NEB: variants seen among roughly 807,000 people sequenced by gnomAD.
The protein encoded by NEB is nebulin.
In NEB, 512 loss-of-function variants were observed where a neutral mutation model predicts 952.2. That is an observed-to-expected ratio of 0.54 (90% confidence interval 0.50 to 0.58). The LOEUF (loss-of-function observed/expected upper bound fraction) is 0.58, where lower values mean the gene tolerates loss of function less well. Ranked by LOEUF, NEB falls within the 20% of genes least tolerant of loss-of-function variation. NEB has a pLI of 0.00. For synonymous variants in NEB, 2,900 were observed against 3,149.8 expected, an observed-to-expected ratio of 0.92 and a Z score of 2.66; for missense variants, 8,428 against 9,231.1, an observed-to-expected ratio of 0.91 and a Z score of 3.56.
chr2:151,690,765 G>T lies in NEB; in HGVS notation c.2272C>A (p.Leu758Met), dbSNP rs866369010. The stretch of plus-strand genomic sequence containing the variant: ...TTCGTGTTGAGCTGGGCTTGCAACA[G>T]TACAGGAGAATCAGTGACTGCCGTG... ...KFTAVTDSPV[L>M]LQAQLNTKQL... Residue 758 changes from leucine (L) to methionine (M), a missense_variant, in exon 24 of 182, where the codon CTG (leucine) becomes ATG (methionine). This residue lies in a region of NEB where 2,851 missense variants were observed against 2,791.5 expected (regional missense o/e 1.02). Transcript: ENST00000397345. The T allele has an allele frequency of 3.1e-6, 5 of 1,599,676 alleles. No homozygotes were observed. The highest frequency in any genetic ancestry group is 8.5e-7 in the Non-Finnish European group (1 of 1,172,836).
intron 173 of NEB, chr2:151,494,993 C>G (rs1353767110): frequency 6.6e-6 from 1 of 152,300 alleles, no homozygotes; most frequent in East Asian, 1.9e-4. Flanking sequence ...CACTTAAACT[C>G]TCATAGACAT....
intron 164 of NEB, 121 bp downstream of exon 164, chr2:151,506,045 G>T (rs2068627605): frequency 3.5e-6 from 3 of 851,846 alleles, no homozygotes; most frequent in African/African-American, 1.7e-5. Context: ...TGGTACACAG[G>T]CACCTATTTT....
In NEB at chr2:151,610,872, G is replaced by C. The variant is rs1222577322; in HGVS notation, c.11806-6C>G. 1.3e-6 allele frequency: 2 copies of C among 1,564,116 alleles called. No individual in the cohort carries two copies. Among genetic ancestry groups the C allele is most frequent in the Middle Eastern group, 1.7e-4 (1 of 5,920 alleles). ...CAAGCTTCTGTGTATAAATGCTACA[G>C]GGCAGGGCGGCATGGGGCATGGGGA... On this transcript the variant is annotated splice_region_variant and splice_polypyrimidine_tract_variant and intron_variant, in intron 78 of 181. Transcript: ENST00000397345.
At chr2:151,712,031 T>A (rs2099746851) in intron 10 of NEB, among the ~76,000 whole-genome samples, 1 of 151,960 alleles carries the variant, frequency 6.6e-6, no homozygotes, top group South Asian at 2.1e-4. Flanking sequence ...GTTTCTCATC[T>A]TTTTTTTGGA....
intron 105 of NEB, among the ~76,000 whole-genome samples, 164 bp from the exon 106 acceptor site, chr2:151,576,518 T>TATATA (rs2096865322): frequency 1.1e-4 from 2 of 18,216 alleles, no homozygotes; most frequent in African/African-American, 2.2e-4. Flanking sequence ...ATATATATAT[T>TATATA]TTTTTTTTTT....
intron 129 of NEB, among the ~76,000 whole-genome samples, chr2:151,550,990 G>A (rs1336823763): frequency 5.7e-5 from 7 of 123,598 alleles, no homozygotes; most frequent in African/African-American, 1.1e-4. Flanking sequence ...TATTTGAAAC[G>A]GAGTTTTGCT....
At chr2:151,577,471 G>T (rs918083764) in intron 105 of NEB, among the ~76,000 whole-genome samples, 2 of 152,012 alleles carry the variant, frequency 1.3e-5, no homozygotes, top group African/African-American at 2.4e-5. Flanking sequence ...GAACTTTCTC[G>T]ATCTCTCTTC....
chr2:151,729,785 G>GT (rs1331105032), intron 3 of NEB, 129 bp from the exon 4 acceptor site: 4 of 923,960 alleles, frequency 4.3e-6, no homozygotes, highest in Non-Finnish European at 7.0e-6. Flanking sequence ...AAAGGGGTAG[G>GT]TGAGGGAGCC....
intron 106 of NEB, 34 bp downstream of exon 106, chr2:151,576,117 T>C (rs775457953): frequency 1.4e-6 from 2 of 1,467,330 alleles, no homozygotes; most frequent in East Asian, 4.6e-5. Context: ...ATTTATGGCA[T>C]TAATTCAATT....
intron 124 of NEB, among the ~76,000 whole-genome samples, chr2:151,556,607 G>A (rs1247024691): frequency 6.6e-6 from 1 of 152,112 alleles, no homozygotes; most frequent in East Asian, 1.9e-4. Flanking sequence ...GATCAAAAGA[G>A]ACAAAGAAGG....
chr2:151,639,569 A>C (rs986934493), intron 62 of NEB, among the ~76,000 whole-genome samples, 185 bp from the exon 63 acceptor site: 1 of 152,226 alleles, frequency 6.6e-6, no homozygotes, highest in Non-Finnish European at 1.5e-5. Context: ...ATGCCTTCTA[A>C]TAATCTGAAA....
rs552230672 is a variant in NEB at position 151,655,651 on chromosome 2, A to C, written c.6702+166T>G. 3.9e-5 allele frequency among the ~76,000 whole-genome samples: 6 copies of C among 152,314 alleles called. No homozygotes were observed. In the East Asian group the frequency reaches 1.2e-3, roughly 29 times the overall value. On this transcript the variant is annotated intron_variant, in intron 50 of 181. Coordinates refer to ENST00000397345, the MANE Select transcript of NEB (RefSeq NM_001164508.2). Reference sequence around the variant, plus strand: ...ACCCAACTAGAAGGTCAAGAGAAGAAAAAAAATAAGAGATGGGCAGAAGAA... The same window carrying C: ...ACCCAACTAGAAGGTCAAGAGAAGACAAAAAATAAGAGATGGGCAGAAGAA...
At chr2:151,493,932 A>G in intron 174 of NEB, 65 bp from the exon 175 acceptor site, 1 of 1,166,014 alleles carries the variant, frequency 8.6e-7, no homozygotes, top group Non-Finnish European at 1.2e-6. Context: ...ATTATATTGC[A>G]AGTTGGGGGG....
intron 76 of NEB, among the ~76,000 whole-genome samples, chr2:151,615,031 T>C (rs979837814): frequency 6.6e-6 from 1 of 152,212 alleles, no homozygotes; most frequent in African/African-American, 2.4e-5. Flanking sequence ...CAAGGATATG[T>C]GTTACATTTA....
rs773870323 is a variant in NEB at position 151,551,759 on chromosome 2, A to C, written c.19923T>G (p.His6641Gln). 14 of 1,613,500 alleles carry C rather than the reference A, an allele frequency of 8.7e-6. No individual in the cohort carries two copies. Among genetic ancestry groups the C allele is most frequent in the Admixed American group, 1.7e-5 (1 of 59,962 alleles). The change falls in exon 129 of 182, where the codon CAT becomes CAG. Residue 6641 changes from histidine to glutamine, a missense_variant. By Grantham distance (24) the His-to-Gln change is conservative (BLOSUM62 0). This residue lies in a region of NEB where 3,374 missense variants were observed against 3,651.5 expected (regional missense o/e 0.92). Coordinates refer to ENST00000397345, the MANE Select transcript of NEB (RefSeq NM_001164508.2). ...TKTVDLDRAL[H>Q]AYKLQSSNLY... The stretch of plus-strand genomic sequence containing the variant: ...TCACCGAACTCTGGAGCTTGTATGC[A>C]TGAAGGGCCCGGTCCAGATCCACGG...
At chr2:151,540,845 T>G in intron 136 of NEB, 44 bp from the exon 137 acceptor site, 1 of 1,480,856 alleles carries the variant, frequency 6.8e-7, no homozygotes, top group African/African-American at 1.4e-5. Context: ...ATAAAGCATT[T>G]AGTATTTAGC....
At chr2:151,532,914 CTG>C (rs1559621935) in intron 143 of NEB, among the ~76,000 whole-genome samples, 2 of 152,040 alleles carry the variant, frequency 1.3e-5, no homozygotes, top group African/African-American at 4.8e-5. Flanking sequence ...CACTGTTAAC[CTG>C]TGTGTGTGGG....
At chr2:151,694,843 A>G (rs922003167) in intron 18 of NEB, among the ~76,000 whole-genome samples, 19 of 152,174 alleles carry the variant, frequency 1.2e-4, no homozygotes, top group Admixed American at 1.2e-3. Flanking sequence ...AGAATTTTTT[A>G]TCAAATTAAT....
intron 155 of NEB, 88 bp downstream of exon 155, chr2:151,518,877 G>T: frequency 1.2e-6 from 1 of 801,746 alleles, no homozygotes; most frequent in Non-Finnish European, 2.1e-6. Flanking sequence ...GGTATCAGTA[G>T]CAGAGAAGAA....
Sources: allele counts gnomAD v4.1 joint callset (sites outside exome capture counted in the v4.1 genomes callset), GRCh38; gene constraint gnomAD v4.1.1; regional missense constraint gnomAD v4.1.1; transcripts MANE v1.5; gene names NCBI Gene and HGNC (gene_info 2026-07-23, HGNC 2026-07-21).